PROP1: variants seen among roughly 807,000 people sequenced by gnomAD.
PROP1 encodes the protein PROP paired-like homeobox 1.
Under a neutral mutation model 22.3 loss-of-function variants are expected in PROP1, and 12 were observed. That is an observed-to-expected ratio of 0.54 (90% CI 0.34 to 0.87). The LOEUF is 0.87. Ranked by LOEUF, PROP1 falls within the 40% of genes least tolerant of loss-of-function variation. The probability of loss-of-function intolerance (pLI) is 0.01; values close to 1 mark genes in which losing one functional copy is unlikely to be tolerated. For missense variants in PROP1, 278 were observed against 295.1 expected (o/e 0.94, Z 0.43); for synonymous variants, 112 against 116.7 (o/e 0.96, Z 0.26).
In PROP1 at chr5:177,996,204, C is replaced by T; in HGVS notation, c.-271G>A. The T allele has an allele frequency of 2.0e-6, 1 of 509,788 alleles. No individual in the cohort carries two copies. The highest frequency in any genetic ancestry group is 2.1e-5 in the South Asian group (1 of 47,780). The allele number at this position is 509,788 out of a possible 1,614,324, so 31.6% of individuals were successfully genotyped here. ...GCCTCACCTGTTGCTCTGTTTCTGA[C>T]TACTTTTCTCTGCCTGGCCCTTCTC... On this transcript the variant is annotated 5_prime_UTR_variant, in exon 1 of 3. Transcript: ENST00000308304.
chr5:177,993,185 T>C, intron 2 of PROP1, 138 bp from the exon 3 acceptor site: 2 of 784,566 alleles, frequency 2.5e-6, no homozygotes, highest in Non-Finnish European at 4.3e-6. Flanking sequence ...CCACAAGGCT[T>C]GGCTGAGCCT....
intron 1 of PROP1, 49 bp from the exon 2 acceptor site, chr5:177,994,387 G>A (rs778597431): frequency 1.0e-4 from 148 of 1,458,684 alleles, no homozygotes; most frequent in South Asian, 3.0e-4. Context: ...GACGCTCCTC[G>A]GTGCTGGACC....
chr5:177,994,122 C>G lies in PROP1; in HGVS notation c.326G>C (p.Ser109Thr), dbSNP rs1755694746. 1 of 1,614,126 alleles carries G rather than the reference C, an allele frequency of 6.2e-7. No homozygotes were observed. Among genetic ancestry groups the G allele is most frequent in the Non-Finnish European group, 8.5e-7 (1 of 1,179,970 alleles). The change falls in exon 2 of 3, where the codon AGT becomes ACT. Residue 109 changes from serine (S) to threonine (T), a missense_variant. By Grantham distance (58) the Ser-to-Thr change is moderately conservative. Coordinates refer to ENST00000308304, the MANE Select transcript of PROP1 (RefSeq NM_006261.5). Reference sequence around the variant, plus strand: ...GAGCATCACCTGGATTCGGGCCTCACTGAGGCCAGTGTCCCGGGCAAGACT... The same window carrying G: ...GAGCATCACCTGGATTCGGGCCTCAGTGAGGCCAGTGTCCCGGGCAAGACT... ...RESLARDTGL[S>T]EARIQVWFQN...
intron 1 of PROP1, among the ~76,000 whole-genome samples, chr5:177,994,929 T>C (rs1336137675): frequency 1.3e-5 from 2 of 152,032 alleles, no homozygotes; most frequent in East Asian, 3.9e-4. Context: ...CCACTTCCTA[T>C]TGCACTGCCA....
At position 177,992,874 on chromosome 5, in the gene PROP1, G is replaced by A. The variant is rs1215623421; in HGVS notation, c.516C>T (p.Ser172=). 3.7e-6 allele frequency: 6 copies of A among 1,613,684 alleles called. No homozygotes were observed. Among genetic ancestry groups the A allele is most frequent in the Middle Eastern group, 1.7e-4 (1 of 5,984 alleles). The change falls in exon 3 of 3, where the codon AGC becomes AGT. Residue 172 remains serine (S), a synonymous_variant. Transcript: ENST00000308304. ...PPVTCFPHPY[S]HALPSQPSTG... is the part of the protein sequence containing the mutation. ...TGGAGGGCTGGGAAGGGAGGGCATG[G>A]CTGTAGGGGTGAGGGAAGCAGGTCA...
chr5:177,994,137 C>T lies in PROP1; in HGVS notation c.311G>A (p.Arg104Gln), dbSNP rs369390421. Residue 104 changes from arginine to glutamine, a missense_variant, in exon 2 of 3, where the codon CGG (arginine) becomes CAG (glutamine). Physicochemically the swap from Arg to Gln is conservative, Grantham distance 43. Transcript: ENST00000308304. Reference protein sequence around the residue: ...PDIWARESLARDTGLSEARIQ... With the variant: ...PDIWARESLAQDTGLSEARIQ... ...TCGGGCCTCACTGAGGCCAGTGTCC[C>T]GGGCAAGACTCTCTCGGGCCCAGAT... The T allele has an allele frequency of 1.4e-4, 225 of 1,614,156 alleles. 2 individuals carry two copies. The highest frequency in any genetic ancestry group is 9.2e-4 in the South Asian group (84 of 91,086).
chr5:177,993,782 G>T (rs188364792), intron 2 of PROP1, among the ~76,000 whole-genome samples: 3 of 152,082 alleles, frequency 2.0e-5, no homozygotes, highest in Non-Finnish European at 4.4e-5. Flanking sequence ...AACCAGGCTG[G>T]TCTCGAACTC....
intron 1 of PROP1, among the ~76,000 whole-genome samples, chr5:177,995,334 A>ACGGGGAGGGAAAGGACACAC (rs1245388981): frequency 6.6e-6 from 1 of 152,080 alleles, no homozygotes; most frequent in African/African-American, 2.4e-5. Flanking sequence ...GGAGGAGAGA[A>ACGGGGAGGGAAAGGACACAC]CGGGGAGGGA....
Position 177,994,257 on chromosome 5 carries a change from C to T in PROP1, c.191G>A (p.Gly64Asp), listed in dbSNP as rs775927542. ...SRFSPQGGQR[G>D]RPHSRRRHRT... ...GTGGCGGCGCCGGGAGTGCGGGCGG[C>T]CCCTCTGTCCTCCTTGCGGGGAGAA... The change falls in exon 2 of 3, where the codon GGC (glycine) becomes GAC (aspartate). Residue 64 changes from glycine (G) to aspartate (D), a missense_variant. By Grantham distance (94) the Gly-to-Asp change is moderately conservative. Coordinates refer to ENST00000308304, the MANE Select transcript of PROP1 (RefSeq NM_006261.5). The T allele has an allele frequency of 9.3e-6, 15 of 1,613,906 alleles. No homozygotes were observed. The highest frequency in any genetic ancestry group is 1.3e-5 in the Non-Finnish European group (15 of 1,179,880).
At position 177,994,251 on chromosome 5, in the gene PROP1, G is replaced by T. The variant is rs764154376; in HGVS notation, c.197C>A (p.Pro66Gln). Reference sequence around the variant, plus strand: ...GGTGCGGTGGCGGCGCCGGGAGTGCGGGCGGCCCCTCTGTCCTCCTTGCGG... The same window carrying T: ...GGTGCGGTGGCGGCGCCGGGAGTGCTGGCGGCCCCTCTGTCCTCCTTGCGG... ...FSPQGGQRGR[P>Q]HSRRRHRTTF... The change falls in exon 2 of 3, where the codon CCG (proline) becomes CAG (glutamine). Residue 66 changes from proline (P) to glutamine (Q), a missense_variant. Physicochemically the swap from Pro to Gln is moderately conservative, Grantham distance 76. Coordinates refer to ENST00000308304, the MANE Select transcript of PROP1 (RefSeq NM_006261.5). 1.2e-6 allele frequency: 2 copies of T among 1,613,902 alleles called. No homozygotes were observed. The highest frequency in any genetic ancestry group is 1.1e-5 in the South Asian group (1 of 91,068).
In PROP1 at chr5:177,994,330, C is replaced by A; in HGVS notation, c.118G>T (p.Ala40Ser). 1.9e-6 allele frequency: 3 copies of A among 1,597,274 alleles called. No individual in the cohort carries two copies. The highest frequency in any genetic ancestry group is 2.6e-6 in the Non-Finnish European group (3 of 1,171,198). ...CCAGGGAGCCTTCTGCAGGGTGGAG[C>A]ACTCGAGTCTGAGAACGGAGAGAAG... The part of the protein sequence containing the change: ...GTPTTTVDSS[A>S]PPCRRLPGAG... The change falls in exon 2 of 3, where the codon GCT becomes TCT. Residue 40 changes from alanine to serine, a missense_variant. Transcript: ENST00000308304.
Position 177,996,102 on chromosome 5 carries a change from AC to A in PROP1, c.-170del. On this transcript the variant is annotated 5_prime_UTR_variant, in exon 1 of 3. In the 5' UTR this introduces an upstream ATG that the reference lacks. Coordinates refer to ENST00000308304, the MANE Select transcript of PROP1 (RefSeq NM_006261.5). ...GCAGGCAGCTGTCTCTGACTTTTTCACTGTCTTTACTTTTTTTCTAATTGTT... is the reference window on the plus strand; with the variant it reads ...GCAGGCAGCTGTCTCTGACTTTTTCATGTCTTTACTTTTTTTCTAATTGTT... The A allele has an allele frequency of 1.5e-6, 1 of 646,344 alleles. No individual in the cohort carries two copies. The highest frequency in any genetic ancestry group is 2.8e-6 in the Non-Finnish European group (1 of 362,834). The allele number at this position is 646,344 out of a possible 1,614,324, so 40.0% of individuals were successfully genotyped here.
chr5:177,995,803 G>A (rs368013410), intron 1 of PROP1, 22 bp downstream of exon 1: 69 of 1,590,666 alleles, frequency 4.3e-5, no homozygotes, highest in South Asian at 1.3e-4. Context: ...AGGGACCCAC[G>A]CACACCGGGA....
At position 177,994,154 on chromosome 5, in the gene PROP1, G is replaced by A; in HGVS notation, c.294C>T (p.Ala98=). 1 of 1,614,132 alleles carries A rather than the reference G, an allele frequency of 6.2e-7. No individual in the cohort carries two copies. ...FGRNQYPDIW[A]RESLARDTGL... Reference sequence around the variant, plus strand: ...CAGTGTCCCGGGCAAGACTCTCTCGGGCCCAGATGTCGGGGTACTGGTTCC... The same window carrying A: ...CAGTGTCCCGGGCAAGACTCTCTCGAGCCCAGATGTCGGGGTACTGGTTCC... Residue 98 remains alanine, a synonymous_variant, in exon 2 of 3, where the codon GCC becomes GCT. Transcript: ENST00000308304.
chr5:177,992,587 T>G lies in PROP1; in HGVS notation c.*122A>C. On this transcript the variant is annotated 3_prime_UTR_variant, in exon 3 of 3. Transcript: ENST00000308304. ...TGATCTCCCATTTTTAAATTTCTAA[T>G]CGCTGAGCTGACCCTCACCATGCAT... is the stretch of plus-strand genomic sequence containing the variant. 2 of 677,554 alleles carry G rather than the reference T, an allele frequency of 3.0e-6. 1 individual carries two copies. Among genetic ancestry groups the G allele is most frequent in the South Asian group, 3.7e-5 (2 of 53,520 alleles). 42.0% of individuals were successfully genotyped at this position (677,554 alleles called of 1,614,324 possible). A position where few individuals can be genotyped will look rare whatever the true frequency, so the allele number is the denominator to read the frequency against.
At position 177,992,696 on chromosome 5, in the gene PROP1, T is replaced by C. The variant is rs1484870407; in HGVS notation, c.*13A>G. Reference sequence around the variant, plus strand: ...CGCAGGCTGGGGATCACCTTGGTGGTACTTGTTTGACCTCAGTTCCAGGAC... The same window carrying C: ...CGCAGGCTGGGGATCACCTTGGTGGCACTTGTTTGACCTCAGTTCCAGGAC... On this transcript the variant is annotated 3_prime_UTR_variant, in exon 3 of 3. Transcript: ENST00000308304. The C allele has an allele frequency of 6.5e-7, 1 of 1,547,674 alleles. No individual in the cohort carries two copies. The highest frequency in any genetic ancestry group is 1.1e-5 in the South Asian group (1 of 87,422).
At position 177,992,920 on chromosome 5, in the gene PROP1, T is replaced by C; in HGVS notation, c.470A>G (p.Tyr157Cys). ...GGTCACTGGTGGTGGTGGTGCTGCGTAAGAATAGGGGCAAGCAGTGGACTC... is the reference window on the plus strand; with the variant it reads ...GGTCACTGGTGGTGGTGGTGCTGCGCAAGAATAGGGGCAAGCAGTGGACTC... Reference protein sequence around the residue: ...LPESTACPYSYAAPPPPVTCF... With the variant: ...LPESTACPYSCAAPPPPVTCF... Residue 157 changes from tyrosine to cysteine, a missense_variant, in exon 3 of 3, where the codon TAC (tyrosine) becomes TGC (cysteine). Transcript: ENST00000308304. 1 of 1,613,406 alleles carries C rather than the reference T, an allele frequency of 6.2e-7. No homozygotes were observed. Among genetic ancestry groups the C allele is most frequent in the Non-Finnish European group, 8.5e-7 (1 of 1,179,854 alleles).
intron 1 of PROP1, among the ~76,000 whole-genome samples, chr5:177,995,015 T>C (rs1755729501): frequency 6.6e-6 from 1 of 152,184 alleles, no homozygotes; most frequent in Non-Finnish European, 1.5e-5. Flanking sequence ...GGGTCTGCTG[T>C]GTGCACCTGC....
Position 177,994,295 on chromosome 5 carries a change from C to G in PROP1, c.153G>C (p.Gly51=), listed in dbSNP as rs555891165. The G allele has an allele frequency of 6.2e-6, 10 of 1,611,294 alleles. No individual in the cohort carries two copies. In the African/African-American group the frequency reaches 8.0e-5, roughly 13 times the overall value. Residue 51 remains glycine, a synonymous_variant, in exon 2 of 3, where the codon GGG becomes GGC. Transcript: ENST00000308304. ...PPCRRLPGAG[G]GRSRFSPQGG... is the part of the protein sequence containing the mutation. ...CTTGCGGGGAGAACCTTGATCTCCC[C>G]CCTCCTGCACCAGGGAGCCTTCTGC...
Sources: allele counts gnomAD v4.1 joint callset (sites outside exome capture counted in the v4.1 genomes callset), GRCh38; gene constraint gnomAD v4.1.1; transcripts MANE v1.5; gene names NCBI Gene and HGNC (gene_info 2026-07-23, HGNC 2026-07-21).